Variants in CSNK1G1 observed in about 807,000 individuals in gnomAD.
The protein encoded by CSNK1G1 is casein kinase I isoform gamma-1.
CSNK1G1 carries 22 observed loss-of-function variants against 59.6 expected under a neutral mutation model. The ratio of observed to expected loss-of-function variants is 0.37; its 90% CI spans 0.26 to 0.53. The LOEUF (loss-of-function observed/expected upper bound fraction) is 0.53. CSNK1G1 is among the 20% of genes least tolerant of loss of function. The pLI is 0.89. For synonymous variants in CSNK1G1, 179 were observed against 177.1 expected (o/e 1.01, Z -0.08); for missense variants, 384 against 519.5 (o/e 0.74, Z 2.54).
chr15:64,350,415 G>A (rs980846398), intron 1 of CSNK1G1, among the ~76,000 whole-genome samples: 1 of 151,904 alleles, frequency 6.6e-6, no homozygotes, highest in Non-Finnish European at 1.5e-5. Flanking sequence ...GCAGGAGAAT[G>A]GCGTGAACCC....
chr15:64,300,299 T>C lies in CSNK1G1; in HGVS notation c.181+20A>G. 6.2e-7 allele frequency: 1 copy of C among 1,610,678 alleles called. No individual in the cohort carries two copies. The highest frequency in any genetic ancestry group is 8.5e-7 in the Non-Finnish European group (1 of 1,177,386). On this transcript the variant is annotated intron_variant, in intron 2 of 11. Transcript: ENST00000303052. ...AGGTATTGTTGTTAGTAGAAGTCAC[T>C]GACATAACCAAGTGCTTACCTAATC...
At chr15:64,279,111 C>T (rs1407230968) in intron 2 of CSNK1G1, among the ~76,000 whole-genome samples, 1 of 152,164 alleles carries the variant, frequency 6.6e-6, no homozygotes, top group Non-Finnish European at 1.5e-5. Context: ...TTTGTTTACA[C>T]CTACTTTTTC....
At chr15:64,192,576 G>T (rs1183340634) in intron 10 of CSNK1G1, among the ~76,000 whole-genome samples, 3 of 152,116 alleles carry the variant, frequency 2.0e-5, no homozygotes, top group East Asian at 1.9e-4. Flanking sequence ...AGGGATTAAT[G>T]TAAGAGTGAC....
intron 1 of CSNK1G1, among the ~76,000 whole-genome samples, chr15:64,334,485 C>A (rs1435220023): frequency 6.6e-6 from 1 of 152,124 alleles, no homozygotes; most frequent in Non-Finnish European, 1.5e-5. Context: ...TTACATTGTA[C>A]TATGCAATGA....
At chr15:64,230,799 C>T (rs1596130649) in intron 4 of CSNK1G1, among the ~76,000 whole-genome samples, 2 of 151,960 alleles carry the variant, frequency 1.3e-5, no homozygotes, top group South Asian at 4.2e-4. Context: ...GGTGAAACCC[C>T]GTCTCTACTA....
chr15:64,198,703 G>C (rs1022927747), intron 10 of CSNK1G1, among the ~76,000 whole-genome samples: 2 of 149,686 alleles, frequency 1.3e-5, no homozygotes, highest in South Asian at 4.2e-4. Flanking sequence ...AGAGTAATAA[G>C]AGAGAGATTT....
chr15:64,349,230 A>C (rs1258493459), intron 1 of CSNK1G1, among the ~76,000 whole-genome samples: 1 of 151,984 alleles, frequency 6.6e-6, no homozygotes, highest in African/African-American at 2.4e-5. Flanking sequence ...CTAAGGAGTT[A>C]GAATGTATAA....
rs151230384 is a variant in CSNK1G1 at position 64,334,364 on chromosome 15, C to G, written c.-225+21624G>C. ...TCCTCAACCTTTTTGGCACAAGGAC[C>G]AGTTTTACAGAAGACAATTTTTCCA... On this transcript the variant is annotated intron_variant, in intron 1 of 11. Coordinates refer to ENST00000303052, the MANE Select transcript of CSNK1G1 (RefSeq NM_022048.5). Among the ~76,000 whole-genome samples the G allele has an allele frequency of 5.7e-4, 86 of 152,130 alleles. 1 individual carries two copies. Among genetic ancestry groups the G allele is most frequent in the Middle Eastern group, 6.8e-3 (2 of 294 alleles).
intron 4 of CSNK1G1, among the ~76,000 whole-genome samples, chr15:64,244,931 AACAG>A (rs1247257896): frequency 6.6e-6 from 1 of 152,234 alleles, no homozygotes; most frequent in Non-Finnish European, 1.5e-5. Context: ...TACTGGCATA[AACAG>A]ACAAAGAGAC....
At chr15:64,184,276 C>A (rs1468146465) in intron 10 of CSNK1G1, among the ~76,000 whole-genome samples, 2 of 151,884 alleles carry the variant, frequency 1.3e-5, no homozygotes, top group Admixed American at 1.3e-4. Context: ...GCACTCCAGC[C>A]TGGGTGACAG....
At position 64,167,297 on chromosome 15, in the gene CSNK1G1, A is replaced by C. The variant is rs1390026735; in HGVS notation, c.*4634T>G. On this transcript the variant is annotated 3_prime_UTR_variant, in exon 12 of 12. Transcript: ENST00000303052. ...TCTTCTTTTTCTTATTCAGAAACAA[A>C]ATCACCCCCCATACACCAAAAAACA... is the stretch of plus-strand genomic sequence containing the variant. 3 of 152,200 alleles carry C rather than the reference A, an allele frequency of 2.0e-5. No individual in the cohort carries two copies. Among genetic ancestry groups the C allele is most frequent in the Non-Finnish European group, 4.4e-5 (3 of 68,044 alleles). 9.4% of individuals were successfully genotyped at this position (152,200 alleles called of 1,614,324 possible). A position where few individuals can be genotyped will look rare whatever the true frequency, so the allele number is the denominator to read the frequency against.
intron 4 of CSNK1G1, among the ~76,000 whole-genome samples, chr15:64,227,829 T>A (rs1295879627): frequency 6.6e-6 from 1 of 152,222 alleles, no homozygotes; most frequent in African/African-American, 2.4e-5. Context: ...AATCTCTCAA[T>A]TCCAGATTCA....
chr15:64,190,703 C>T (rs186975557), intron 10 of CSNK1G1, among the ~76,000 whole-genome samples: 2 of 152,232 alleles, frequency 1.3e-5, no homozygotes, highest in Non-Finnish European at 2.9e-5. Flanking sequence ...CGTGAGCCAC[C>T]GTGCCGGCCA....
chr15:64,199,966 C>T (rs1050441146), intron 10 of CSNK1G1, among the ~76,000 whole-genome samples: 18 of 152,098 alleles, frequency 1.2e-4, no homozygotes, highest in African/African-American at 4.1e-4. Context: ...CACAAGGTGC[C>T]GGGCATGGTG....
chr15:64,353,667 AAG>A (rs1898460915), intron 1 of CSNK1G1, among the ~76,000 whole-genome samples: 2 of 151,260 alleles, frequency 1.3e-5, no homozygotes, highest in African/African-American at 4.8e-5. Context: ...AAAAAAAAGA[AAG>A]AAAAAGACTT....
chr15:64,232,277 A>G (rs1447766751), intron 4 of CSNK1G1, among the ~76,000 whole-genome samples: 3 of 152,166 alleles, frequency 2.0e-5, no homozygotes, highest in African/African-American at 7.2e-5. Flanking sequence ...TGATCTTTTT[A>G]TTGGTTTTTG....
At chr15:64,175,327 A>C (rs1469048081) in intron 11 of CSNK1G1, among the ~76,000 whole-genome samples, 1 of 152,134 alleles carries the variant, frequency 6.6e-6, no homozygotes, top group East Asian at 1.9e-4. Context: ...ACAAATAGAA[A>C]CATGGCAGTC....
intron 1 of CSNK1G1, among the ~76,000 whole-genome samples, chr15:64,313,653 G>C (rs975405394): frequency 6.6e-6 from 1 of 151,742 alleles, no homozygotes; most frequent in Non-Finnish European, 1.5e-5. Context: ...TAATGTAGGT[G>C]ATGGGTTGAT....
intron 10 of CSNK1G1, chr15:64,181,532 TGAGA>T: frequency 9.1e-7 from 1 of 1,103,096 alleles, no homozygotes; most frequent in Non-Finnish European, 1.3e-6. Flanking sequence ...TATAGGTTGA[TGAGA>T]GAATTATACA....
Sources: allele counts gnomAD v4.1 joint callset (sites outside exome capture counted in the v4.1 genomes callset), GRCh38; gene constraint gnomAD v4.1.1; transcripts MANE v1.5; gene names NCBI Gene and HGNC (gene_info 2026-07-23, HGNC 2026-07-21).